The following DEPDC1B variants were observed in gnomAD, a reference collection of about 807,000 sequenced individuals.
DEPDC1B encodes DEP domain-containing protein 1B.
In DEPDC1B, 51 loss-of-function variants were observed where a neutral mutation model predicts 66.5. The observed-to-expected ratio is 0.77, with a 90% CI of 0.61 to 0.97. The LOEUF (loss-of-function observed/expected upper bound fraction) is 0.97, where lower values mean the gene tolerates loss of function less well. DEPDC1B is among the 50% of genes least tolerant of loss of function. DEPDC1B has a pLI of 0.00. For missense variants in DEPDC1B, 552 were observed against 637.1 expected (o/e 0.87, Z 1.44); for synonymous variants, 226 against 223.6 (o/e 1.01, Z -0.10).
chr5:60,696,798 GACATAC>G (rs1561397594), intron 1 of DEPDC1B, among the ~76,000 whole-genome samples: 1 of 152,032 alleles, frequency 6.6e-6, no homozygotes, highest in Non-Finnish European at 1.5e-5. Context: ...CAAACTATAA[GACATAC>G]ACCTACTGCT....
chr5:60,666,379 C>A (rs764604660), intron 2 of DEPDC1B, among the ~76,000 whole-genome samples: 8 of 152,114 alleles, frequency 5.3e-5, no homozygotes, highest in Admixed American at 3.9e-4. Context: ...AATCCCAGGT[C>A]AGAGAACAAA....
At chr5:60,671,501 C>T (rs144493306) in intron 2 of DEPDC1B, among the ~76,000 whole-genome samples, 1 of 152,256 alleles carries the variant, frequency 6.6e-6, no homozygotes, top group Non-Finnish European at 1.5e-5. Flanking sequence ...TAAGACTCCT[C>T]TAACAGCATC....
At chr5:60,651,529 T>TAA (rs35534827) in intron 2 of DEPDC1B, among the ~76,000 whole-genome samples, 3 of 132,396 alleles carry the variant, frequency 2.3e-5, no homozygotes, top group East Asian at 2.1e-4. Context: ...AGACTCCACC[T>TAA]AAAAAAAAAA....
chr5:60,638,702 G>A lies in DEPDC1B; in HGVS notation c.898+48C>T, dbSNP rs746289152. ...GTCTCAAAATAGTGAAAAATGAAAC[G>A]ATTCAATATCAGTGATGTAGATATA... is the stretch of plus-strand genomic sequence containing the variant. On this transcript the variant is annotated intron_variant, in intron 7 of 10. Coordinates refer to ENST00000265036, the MANE Select transcript of DEPDC1B (RefSeq NM_018369.3). 7.9e-6 allele frequency: 12 copies of A among 1,521,212 alleles called. No homozygotes were observed. In the African/African-American group the frequency reaches 9.9e-5, roughly 13 times the overall value. 94.2% of individuals were successfully genotyped at this position (1,521,212 alleles called of 1,614,324 possible). A position where few individuals can be genotyped will look rare whatever the true frequency, so the allele number is the denominator to read the frequency against.
Position 60,632,237 on chromosome 5 carries a change from C to T in DEPDC1B, c.898+6513G>A, listed in dbSNP as rs531078156. 5.9e-5 allele frequency among the ~76,000 whole-genome samples: 9 copies of T among 152,316 alleles called. No individual in the cohort carries two copies. In the South Asian group the frequency reaches 8.3e-4, roughly 14 times the overall value. On this transcript the variant is annotated intron_variant, in intron 7 of 10. Coordinates refer to ENST00000265036, the MANE Select transcript of DEPDC1B (RefSeq NM_018369.3). ...CCACTCAGAGCACACAGGGCCACGG[C>T]GATGGCAATGCTTGGCTGGAGCACT...
At position 60,699,921 on chromosome 5, in the gene DEPDC1B, T is replaced by A; in HGVS notation, c.48+125A>T. 11 of 1,195,918 alleles carry A rather than the reference T, an allele frequency of 9.2e-6. 1 individual carries two copies. The South Asian group carries it at 1.5e-4, about 16-fold the overall frequency. 74.1% of individuals were successfully genotyped at this position (1,195,918 alleles called of 1,614,324 possible). A position where few individuals can be genotyped will look rare whatever the true frequency, so the allele number is the denominator to read the frequency against. On this transcript the variant is annotated intron_variant, in intron 1 of 10. Coordinates refer to ENST00000265036, the MANE Select transcript of DEPDC1B (RefSeq NM_018369.3). ...AAAAGGCAGCCCCAGTAGTCCCAGC[T>A]GAAATGCTCCACACCCGAGCCCCGC...
chr5:60,597,954 C>T (rs201403911), intron 10 of DEPDC1B, 40 bp from the exon 11 acceptor site: 2 of 1,497,788 alleles, frequency 1.3e-6, no homozygotes, highest in Non-Finnish European at 1.8e-6. Context: ...AAAAAAGACA[C>T]ATAAAAGCCA....
intron 7 of DEPDC1B, among the ~76,000 whole-genome samples, chr5:60,632,255 G>A (rs769262564): frequency 6.6e-6 from 1 of 152,190 alleles, no homozygotes; most frequent in Non-Finnish European, 1.5e-5. Context: ...ATGCTTGGCT[G>A]GAGCACTCCA....
chr5:60,632,899 G>A (rs1752957693), intron 7 of DEPDC1B, among the ~76,000 whole-genome samples: 1 of 152,172 alleles, frequency 6.6e-6, no homozygotes, highest in Admixed American at 6.5e-5. Context: ...GAGAAGTCAG[G>A]GGAAATGTCT....
Position 60,665,535 on chromosome 5 carries a change from G to A in DEPDC1B, c.315-18002C>T, listed in dbSNP as rs187718592. Reference sequence around the variant, plus strand: ...AGATCTACCGCAGGACCCCTGGACCGGCCTGCTAGCCCATGCTCCGATGTT... The same window carrying A: ...AGATCTACCGCAGGACCCCTGGACCAGCCTGCTAGCCCATGCTCCGATGTT... On this transcript the variant is annotated intron_variant, in intron 2 of 10. Coordinates refer to ENST00000265036, the MANE Select transcript of DEPDC1B (RefSeq NM_018369.3). Among the ~76,000 whole-genome samples the A allele has an allele frequency of 2.3e-3, 354 of 152,262 alleles. 2 individuals carry two copies. Among genetic ancestry groups the A allele is most frequent in the Admixed American group, 4.6e-3 (70 of 15,294 alleles).
intron 2 of DEPDC1B, among the ~76,000 whole-genome samples, chr5:60,660,053 T>C (rs954372487): frequency 8.6e-5 from 13 of 151,972 alleles, no homozygotes; most frequent in African/African-American, 2.9e-4. Flanking sequence ...ATTGAGTAAA[T>C]TACAGGGAGG....
At chr5:60,624,691 G>C (rs546380172) in intron 7 of DEPDC1B, among the ~76,000 whole-genome samples, 3 of 152,064 alleles carry the variant, frequency 2.0e-5, no homozygotes, top group Admixed American at 6.5e-5. Flanking sequence ...ACTGAGCTTT[G>C]CTTAATTACA....
chr5:60,631,765 TAGTC>T (rs1561366769), intron 7 of DEPDC1B, among the ~76,000 whole-genome samples: 1 of 152,196 alleles, frequency 6.6e-6, no homozygotes, highest in Non-Finnish European at 1.5e-5. Context: ...TACTATAAAA[TAGTC>T]AATCAACACA....
At chr5:60,688,547 T>C (rs1754475146) in intron 1 of DEPDC1B, among the ~76,000 whole-genome samples, 1 of 152,230 alleles carries the variant, frequency 6.6e-6, no homozygotes, top group Admixed American at 6.5e-5. Context: ...ACAGTGTCTG[T>C]CACGAAAGAA....
intron 7 of DEPDC1B, among the ~76,000 whole-genome samples, chr5:60,621,570 A>G (rs1179075780): frequency 6.6e-6 from 1 of 151,322 alleles, no homozygotes; most frequent in Non-Finnish European, 1.5e-5. Flanking sequence ...GCATTAGGAG[A>G]CACACCTAAT....
Position 60,647,514 on chromosome 5 carries a change from G to A in DEPDC1B, c.334C>T (p.Leu112=). ...HLYRFPPSSP[L]KPYPKKPPNQ... ...GGGGGCTTCTTTGGATATGGTTTCA[G>A]GGGTGAAGAAGGAGGAAATCTAAAA... The change falls in exon 3 of 11, where the codon CTG becomes TTG. Residue 112 remains leucine, a synonymous_variant. Coordinates refer to ENST00000265036, the MANE Select transcript of DEPDC1B (RefSeq NM_018369.3). The A allele has an allele frequency of 2.5e-6, 4 of 1,611,960 alleles. No homozygotes were observed. Among genetic ancestry groups the A allele is most frequent in the Non-Finnish European group, 3.4e-6 (4 of 1,179,410 alleles).
intron 2 of DEPDC1B, among the ~76,000 whole-genome samples, chr5:60,652,531 AG>A: frequency 6.7e-6 from 1 of 149,274 alleles, no homozygotes; most frequent in African/African-American, 2.5e-5. Flanking sequence ...GGACATACTG[AG>A]GCTTGTCCAA....
intron 2 of DEPDC1B, among the ~76,000 whole-genome samples, chr5:60,658,979 G>A (rs748452973): frequency 1.5e-4 from 23 of 152,238 alleles, no homozygotes; most frequent in Non-Finnish European, 8.8e-5. Context: ...ACCCATTGCC[G>A]CTCCCAATCG....
At chr5:60,647,643 A>G (rs1307972010) in intron 2 of DEPDC1B, 110 bp from the exon 3 acceptor site, 3 of 1,184,108 alleles carry the variant, frequency 2.5e-6, no homozygotes, top group Non-Finnish European at 2.3e-6. Context: ...AATTTGTACA[A>G]TATTTATACA....
Sources: allele counts gnomAD v4.1 joint callset (sites outside exome capture counted in the v4.1 genomes callset), GRCh38; gene constraint gnomAD v4.1.1; transcripts MANE v1.5; gene names NCBI Gene and HGNC (gene_info 2026-07-23, HGNC 2026-07-21).